The following NXPH1 variants were observed in gnomAD, a reference collection of about 807,000 sequenced individuals.
NXPH1 encodes the protein neurexophilin-1.
A neutral mutation model predicts 23.7 loss-of-function variants in NXPH1; 5 were observed. The ratio of observed to expected loss-of-function variants is 0.21; its 90% confidence interval spans 0.11 to 0.44. The LOEUF is 0.44. Among genes scored for constraint, NXPH1 ranks in the 20% least tolerant of loss-of-function variants. NXPH1 has a pLI of 0.99. For missense variants in NXPH1, 324 were observed against 321.6 expected, an observed-to-expected ratio of 1.01 and a Z score of -0.06; for synonymous variants, 144 against 122.2, an observed-to-expected ratio of 1.18 and a Z score of -1.18.
chr7:8,481,946 T>C (rs7803097), intron 2 of NXPH1, among the ~76,000 whole-genome samples: 77,742 of 152,018 alleles, frequency 0.51, 21,226 homozygotes, highest in East Asian at 0.77. Context: ...TAGCACCTGA[T>C]GCCCCCTCTG....
intron 2 of NXPH1, among the ~76,000 whole-genome samples, chr7:8,691,970 C>A (rs969462091): frequency 7.9e-5 from 12 of 151,910 alleles, no homozygotes; most frequent in South Asian, 2.1e-4. Flanking sequence ...TGACAAGGGG[C>A]ACTAGTCAAG....
intron 2 of NXPH1, among the ~76,000 whole-genome samples, chr7:8,629,662 T>C (rs1325233430): frequency 6.6e-6 from 1 of 151,794 alleles, no homozygotes; most frequent in Non-Finnish European, 1.5e-5. Flanking sequence ...TAGAGGCCAC[T>C]GGGTGAAAAA....
intron 2 of NXPH1, among the ~76,000 whole-genome samples, chr7:8,651,299 A>G (rs1820489493): frequency 1.3e-5 from 1 of 76,866 alleles, no homozygotes; most frequent in African/African-American, 3.8e-5. Context: ...AAGGACATGA[A>G]CTCATCATTT....
At chr7:8,713,893 T>C (rs1432103464) in intron 2 of NXPH1, among the ~76,000 whole-genome samples, 1 of 152,194 alleles carries the variant, frequency 6.6e-6, no homozygotes, top group Non-Finnish European at 1.5e-5. Context: ...CCACCACCAC[T>C]GGAACTGCAC....
At chr7:8,488,531 C>A (rs980167776) in intron 2 of NXPH1, among the ~76,000 whole-genome samples, 1 of 152,070 alleles carries the variant, frequency 6.6e-6, no homozygotes, top group African/African-American at 2.4e-5. Context: ...AATTCTTTCT[C>A]CAACCATGGC....
chr7:8,515,021 C>T (rs934932646), intron 2 of NXPH1, among the ~76,000 whole-genome samples: 3 of 151,972 alleles, frequency 2.0e-5, no homozygotes, highest in African/African-American at 4.8e-5. Flanking sequence ...ATAAACAGAG[C>T]GTTGCAGAAA....
chr7:8,648,711 C>A (rs912685551), intron 2 of NXPH1, among the ~76,000 whole-genome samples: 3 of 152,142 alleles, frequency 2.0e-5, no homozygotes, highest in African/African-American at 7.2e-5. Context: ...TGGAGCAGAT[C>A]TCTGTATTTG....
chr7:8,591,959 A>G (rs1819104961), intron 2 of NXPH1, among the ~76,000 whole-genome samples: 1 of 151,512 alleles, frequency 6.6e-6, no homozygotes, highest in Admixed American at 6.6e-5. Flanking sequence ...TTCAACAGAT[A>G]CTCATTATCA....
At chr7:8,520,580 C>T (rs1817754965) in intron 2 of NXPH1, among the ~76,000 whole-genome samples, 1 of 152,126 alleles carries the variant, frequency 6.6e-6, no homozygotes, top group South Asian at 2.1e-4. Context: ...GATGAATGAA[C>T]ATCATCTAAT....
chr7:8,668,256 GT>G (rs75899225), intron 2 of NXPH1, among the ~76,000 whole-genome samples: 48 of 79,862 alleles, frequency 6.0e-4, no homozygotes, highest in Middle Eastern at 9.1e-3. Context: ...ATGTCTCTTT[GT>G]TTTTTTTTTT....
chr7:8,534,867 T>C (rs1239188199), intron 2 of NXPH1, among the ~76,000 whole-genome samples: 1 of 152,110 alleles, frequency 6.6e-6, no homozygotes, highest in Non-Finnish European at 1.5e-5. Flanking sequence ...ACCTACTAAA[T>C]TGGAGTTTAT....
chr7:8,578,576 A>G lies in NXPH1; in HGVS notation c.54+142809A>G, dbSNP rs528617803. Reference sequence around the variant, plus strand: ...AACTATAGTCCTCTGAAAGCAGAGCAGATTTTATAGATAAGGAGTTAACAA... The same window carrying G: ...AACTATAGTCCTCTGAAAGCAGAGCGGATTTTATAGATAAGGAGTTAACAA... On this transcript the variant is annotated intron_variant, in intron 2 of 2. Transcript: ENST00000405863. Among the ~76,000 whole-genome samples, 4 of 152,352 alleles carry G rather than the reference A, an allele frequency of 2.6e-5. No homozygotes were observed. The East Asian group carries it at 7.7e-4, about 29-fold the overall frequency.
At chr7:8,709,159 T>C (rs775565213) in intron 2 of NXPH1, among the ~76,000 whole-genome samples, 5 of 152,246 alleles carry the variant, frequency 3.3e-5, no homozygotes, top group African/African-American at 4.8e-5. Context: ...TTCAATCTTT[T>C]GAACACTGTT....
At chr7:8,529,432 GT>G (rs764407352) in intron 2 of NXPH1, among the ~76,000 whole-genome samples, 4 of 152,116 alleles carry the variant, frequency 2.6e-5, no homozygotes, top group Admixed American at 6.6e-5. Flanking sequence ...ATGATTAAGT[GT>G]TTTAGAAAGG....
chr7:8,675,414 T>C (rs1322926020), intron 2 of NXPH1, among the ~76,000 whole-genome samples: 1 of 152,194 alleles, frequency 6.6e-6, no homozygotes, highest in Non-Finnish European at 1.5e-5. Flanking sequence ...CCAGAATTGA[T>C]ATACAATGTA....
chr7:8,635,639 T>A (rs1820208051), intron 2 of NXPH1, among the ~76,000 whole-genome samples: 1 of 152,208 alleles, frequency 6.6e-6, no homozygotes, highest in African/African-American at 2.4e-5. Flanking sequence ...GTGACTGTGA[T>A]GACACCGGGT....
chr7:8,640,840 A>G (rs1450949065), intron 2 of NXPH1, among the ~76,000 whole-genome samples: 1 of 151,978 alleles, frequency 6.6e-6, no homozygotes, highest in African/African-American at 2.4e-5. Context: ...TGTAATCCCA[A>G]TGACTCATGG....
At chr7:8,451,721 C>T (rs911932676) in intron 2 of NXPH1, among the ~76,000 whole-genome samples, 1 of 152,202 alleles carries the variant, frequency 6.6e-6, no homozygotes, top group Non-Finnish European at 1.5e-5. Context: ...AACAACCCTC[C>T]TCTTATATTC....
chr7:8,533,025 A>ACTGAGTGCTT (rs1817972477), intron 2 of NXPH1, among the ~76,000 whole-genome samples: 1 of 152,084 alleles, frequency 6.6e-6, no homozygotes, highest in African/African-American at 2.4e-5. Flanking sequence ...CTTTACATGT[A>ACTGAGTGCTT]TTCCCTCTTT....
Sources: gnomAD v4.1 joint callset for allele counts (sites outside exome capture counted in the v4.1 genomes callset) on GRCh38, gnomAD v4.1.1 for gene constraint, MANE v1.5 for transcripts, NCBI Gene and HGNC (gene_info 2026-07-23, HGNC 2026-07-21) for gene names.